RMND1: variants seen among roughly 807,000 people sequenced by gnomAD.
RMND1 encodes required for meiotic nuclear division protein 1 homolog.
RMND1 carries 41 observed loss-of-function variants against 54.0 expected under a neutral mutation model. That is an observed-to-expected ratio of 0.76 (90% CI 0.59 to 0.98). The LOEUF (loss-of-function observed/expected upper bound fraction) is 0.98. RMND1 is among the 50% of genes least tolerant of loss of function. RMND1 has a pLI of 0.00. For missense variants in RMND1, 457 were observed against 532.0 expected (o/e 0.86, Z 1.39); for synonymous variants, 183 against 181.7 (o/e 1.01, Z -0.06).
intron 2 of RMND1, among the ~76,000 whole-genome samples, chr6:151,439,422 G>C (rs1780706550): frequency 6.6e-6 from 1 of 152,202 alleles, no homozygotes; most frequent in Non-Finnish European, 1.5e-5. Flanking sequence ...GCATGTTGCA[G>C]ACAGAGCTGA....
In RMND1 at chr6:151,450,421, C is replaced by T. The variant is rs1187138998; in HGVS notation, c.-15+1595G>A. On this transcript the variant is annotated intron_variant, in intron 1 of 11. Transcript: ENST00000444024. ...AGGGAGGTGGGGGTCAGCCCCCCGC[C>T]CGGCCAGCCACCCCGTCTGGGAGGG... Among the ~76,000 whole-genome samples, 3 of 119,426 alleles carry T rather than the reference C, an allele frequency of 2.5e-5. No homozygotes were observed. The South Asian group carries it at 7.7e-4, about 31-fold the overall frequency. The allele number at this position is 119,426 out of a possible 152,430, so 78.3% of individuals were successfully genotyped here.
intron 10 of RMND1, among the ~76,000 whole-genome samples, chr6:151,413,265 A>C (rs544974212): frequency 6.6e-6 from 1 of 151,950 alleles, no homozygotes; most frequent in South Asian, 2.1e-4. Flanking sequence ...TTTTCTTTTT[A>C]TTTTTTGAGA....
At chr6:151,431,651 C>T (rs1361686870) in intron 4 of RMND1, among the ~76,000 whole-genome samples, 1 of 152,136 alleles carries the variant, frequency 6.6e-6, no homozygotes, top group Non-Finnish European at 1.5e-5. Context: ...GTGCTTGAAA[C>T]ATGCCTGGTG....
chr6:151,424,139 C>A (rs773632054), intron 6 of RMND1, among the ~76,000 whole-genome samples: 3 of 152,092 alleles, frequency 2.0e-5, no homozygotes, highest in Non-Finnish European at 2.9e-5. Context: ...GTGCGAGCCA[C>A]CTTGCCCAGC....
intron 10 of RMND1, chr6:151,409,015 G>C (rs1269129073): frequency 2.6e-5 from 4 of 152,236 alleles, no homozygotes; most frequent in Admixed American, 2.0e-4. Flanking sequence ...GTTCAGTCTG[G>C]AAGTACTTGT....
chr6:151,424,253 G>T (rs1333301165), intron 6 of RMND1, among the ~76,000 whole-genome samples: 2 of 151,978 alleles, frequency 1.3e-5, no homozygotes, highest in African/African-American at 4.8e-5. Flanking sequence ...GAGGTCAGGA[G>T]ATTGAGACCA....
intron 2 of RMND1, among the ~76,000 whole-genome samples, chr6:151,439,762 C>T (rs544974216): frequency 3.3e-5 from 5 of 152,144 alleles, no homozygotes; most frequent in Non-Finnish European, 7.4e-5. Flanking sequence ...CCGGTTCAAG[C>T]GATTCTCCTG....
At chr6:151,428,986 G>C (rs1780380338) in intron 5 of RMND1, among the ~76,000 whole-genome samples, 1 of 151,996 alleles carries the variant, frequency 6.6e-6, no homozygotes, top group Admixed American at 6.6e-5. Flanking sequence ...TAAATTTATT[G>C]GTCATTTATA....
chr6:151,450,800 G>T (rs1318553133), intron 1 of RMND1, among the ~76,000 whole-genome samples: 1 of 152,136 alleles, frequency 6.6e-6, no homozygotes, highest in Non-Finnish European at 1.5e-5. Flanking sequence ...TCGGATGGTT[G>T]CCGTGTCTGT....
intron 1 of RMND1, among the ~76,000 whole-genome samples, chr6:151,449,728 C>T (rs911453635): frequency 2.0e-5 from 3 of 152,220 alleles, no homozygotes; most frequent in African/African-American, 4.8e-5. Context: ...GCTGCCATCT[C>T]GGCTCACTGC....
intron 6 of RMND1, among the ~76,000 whole-genome samples, chr6:151,425,809 G>T (rs1418645886): frequency 1.3e-5 from 2 of 152,170 alleles, no homozygotes; most frequent in South Asian, 2.1e-4. Context: ...AATAATACAT[G>T]GAAGGCACTT....
intron 6 of RMND1, 51 bp from the exon 7 acceptor site, chr6:151,423,682 CTTTTCCTTTG>C: frequency 7.8e-7 from 1 of 1,283,950 alleles, no homozygotes; most frequent in Admixed American, 1.7e-5. Context: ...AGCACTTTAA[CTTTTCCTTTG>C]AAAAAGACAC....
chr6:151,407,268 A>G (rs143191635), intron 10 of RMND1, among the ~76,000 whole-genome samples: 201 of 152,226 alleles, frequency 1.3e-3, no homozygotes, highest in African/African-American at 4.7e-3. Context: ...ATCTGTATAG[A>G]TGTGTAGAGC....
intron 3 of RMND1, among the ~76,000 whole-genome samples, chr6:151,434,409 ATTTT>A (rs11398229): frequency 7.5e-5 from 11 of 146,578 alleles, no homozygotes; most frequent in Admixed American, 1.4e-4. Flanking sequence ...CAAAACTGTG[ATTTT>A]TTTTTTTTTT....
At chr6:151,438,146 G>T (rs1480141056) in intron 2 of RMND1, among the ~76,000 whole-genome samples, 1 of 152,234 alleles carries the variant, frequency 6.6e-6, no homozygotes, top group Non-Finnish European at 1.5e-5. Flanking sequence ...GTTTAGACCT[G>T]TGAGCACTAG....
chr6:151,449,557 T>A (rs754442082), intron 1 of RMND1, among the ~76,000 whole-genome samples: 10 of 152,066 alleles, frequency 6.6e-5, no homozygotes, highest in Non-Finnish European at 1.5e-4. Context: ...CCTCACCTCC[T>A]TCAGATGTTT....
chr6:151,417,546 C>G (rs1780041798), intron 9 of RMND1, 147 bp from the exon 10 acceptor site: 1 of 586,918 alleles, frequency 1.7e-6, no homozygotes, highest in Non-Finnish European at 2.9e-6. Context: ...GGATGGAGTG[C>G]AGTGGTGTGA....
intron 10 of RMND1, among the ~76,000 whole-genome samples, chr6:151,406,152 GT>G (rs1259395911): frequency 6.6e-6 from 1 of 152,114 alleles, no homozygotes; most frequent in Non-Finnish European, 1.5e-5. Context: ...GAAACATAAT[GT>G]TTTTTAGCAA....
At position 151,436,426 on chromosome 6, in the gene RMND1, C is replaced by T. The variant is rs768898612; in HGVS notation, c.613+20G>A. The stretch of plus-strand genomic sequence containing the variant: ...CCAATACATTTTAACATACTTGGCC[C>T]CAGGTTCAAGAAGAAGTACCTCTAG... On this transcript the variant is annotated intron_variant, in intron 3 of 11. Coordinates refer to ENST00000444024, the MANE Select transcript of RMND1 (RefSeq NM_017909.4). 1 of 1,613,346 alleles carries T rather than the reference C, an allele frequency of 6.2e-7. No individual in the cohort carries two copies. Among genetic ancestry groups the T allele is most frequent in the East Asian group, 2.2e-5 (1 of 44,864 alleles).
Sources: gnomAD v4.1 joint callset for allele counts (sites outside exome capture counted in the v4.1 genomes callset) on GRCh38, gnomAD v4.1.1 for gene constraint, MANE v1.5 for transcripts, NCBI Gene and HGNC (gene_info 2026-07-23, HGNC 2026-07-21) for gene names.